The following UHRF2 variants were observed in gnomAD, a reference collection of about 807,000 sequenced individuals.
UHRF2 encodes the protein ubiquitin like with PHD and ring finger domains 2, also known as E3 ubiquitin-protein ligase UHRF2.
In UHRF2, 23 loss-of-function variants were observed where a neutral mutation model predicts 96.8. The ratio of observed to expected loss-of-function variants is 0.24; its 90% CI spans 0.17 to 0.34. The LOEUF (loss-of-function observed/expected upper bound fraction) is 0.34, where lower values mean the gene tolerates loss of function less well. Ranked by LOEUF, UHRF2 falls within the 10% of genes least tolerant of loss-of-function variation. The pLI is 1.00. For missense variants in UHRF2, 685 were observed against 981.5 expected, an observed-to-expected ratio of 0.70 and a Z score of 4.04; for synonymous variants, 385 against 332.6, an observed-to-expected ratio of 1.16 and a Z score of -1.72.
At chr9:6,447,043 C>G (rs952330641) in intron 3 of UHRF2, among the ~76,000 whole-genome samples, 2 of 151,942 alleles carry the variant, frequency 1.3e-5, no homozygotes, top group African/African-American at 4.8e-5. Context: ...TGCCTGCTAC[C>G]ACACCCGGCT....
Position 6,416,557 on chromosome 9 carries a change from T to C in UHRF2, c.153+2914T>C, listed in dbSNP as rs1819610495. Among the ~76,000 whole-genome samples, 2 of 148,164 alleles carry C rather than the reference T, an allele frequency of 1.3e-5. 1 individual carries two copies. The highest frequency in any genetic ancestry group is 3.0e-5 in the Non-Finnish European group (2 of 67,002). ...AATCTTTTTTTTTTTTTTTTTTTTT[T>C]TTTGAGACGGAGTCTCGTTCTGTCG... On this transcript the variant is annotated intron_variant, in intron 1 of 15. Transcript: ENST00000276893.
At chr9:6,433,477 T>A (rs932564240) in intron 2 of UHRF2, among the ~76,000 whole-genome samples, 6 of 152,236 alleles carry the variant, frequency 3.9e-5, no homozygotes, top group African/African-American at 1.4e-4. Flanking sequence ...TTCTTTTTAA[T>A]ACTTTACTGT....
chr9:6,496,463 A>C (rs1049368001), intron 10 of UHRF2: 2 of 152,188 alleles, frequency 1.3e-5, no homozygotes, highest in Non-Finnish European at 1.5e-5. Context: ...CTATTAGGTG[A>C]ATGCATATAC....
chr9:6,460,238 T>C (rs1421627121), intron 3 of UHRF2, among the ~76,000 whole-genome samples: 2 of 152,120 alleles, frequency 1.3e-5, no homozygotes, highest in Non-Finnish European at 2.9e-5. Context: ...CTAGAAAAAT[T>C]GTATATAGCT....
In UHRF2 at chr9:6,434,041, G is replaced by T; in HGVS notation, c.512G>T (p.Cys171Phe). 1.9e-6 allele frequency: 3 copies of T among 1,614,128 alleles called. No individual in the cohort carries two copies. The highest frequency in any genetic ancestry group is 2.5e-6 in the Non-Finnish European group (3 of 1,180,006). ...ACTCCACTGAAGAATGGCAGTTCTT[G>T]TAAAAGGACTAATGGAAATATAAAG... ...GKTPLKNGSS[C>F]KRTNGNIKHK... The change falls in exon 3 of 16, where the codon TGT (cysteine) becomes TTT (phenylalanine). Residue 171 changes from cysteine to phenylalanine, a missense_variant. Transcript: ENST00000276893.
At chr9:6,420,852 T>TA in intron 1 of UHRF2, 60 bp from the exon 2 acceptor site, 1 of 1,400,698 alleles carries the variant, frequency 7.1e-7, no homozygotes, top group Non-Finnish European at 1.0e-6. Flanking sequence ...TTTGAGCAAC[T>TA]AAAAATGTAG....
At chr9:6,421,261 TATC>T (rs1259143579) in intron 2 of UHRF2, 119 bp downstream of exon 2, 3 of 769,190 alleles carry the variant, frequency 3.9e-6, no homozygotes, top group Non-Finnish European at 6.2e-6. Context: ...GGGATGTTAA[TATC>T]ATAACTTTTA....
intron 9 of UHRF2, among the ~76,000 whole-genome samples, chr9:6,488,262 A>G (rs1379881106): frequency 1.8e-4 from 1 of 5,598 alleles, no homozygotes; most frequent in African/African-American, 1.3e-3. Flanking sequence ...AAAAAAAAAA[A>G]AAAAAAAAAA....
intron 12 of UHRF2, 47 bp from the exon 13 acceptor site, chr9:6,499,788 G>T: frequency 4.4e-6 from 6 of 1,353,694 alleles, no homozygotes; most frequent in Admixed American, 2.1e-5. Context: ...CCCCTTCTCT[G>T]TGAAGCTTAA....
chr9:6,465,217 C>G (rs1193494912), intron 4 of UHRF2, among the ~76,000 whole-genome samples: 2 of 152,140 alleles, frequency 1.3e-5, no homozygotes, highest in Admixed American at 6.5e-5. Context: ...TAGATATGCT[C>G]TCCTAGATTT....
chr9:6,488,699 T>A (rs1824467956), intron 9 of UHRF2, among the ~76,000 whole-genome samples: 1 of 151,720 alleles, frequency 6.6e-6, no homozygotes, highest in African/African-American at 2.4e-5. Flanking sequence ...ATGGGGTTTC[T>A]CCATATTGGC....
intron 3 of UHRF2, 155 bp downstream of exon 3, chr9:6,434,328 T>G (rs1052418686): frequency 2.0e-5 from 17 of 836,282 alleles, no homozygotes; most frequent in Non-Finnish European, 1.6e-5. Context: ...GTACTCTAAT[T>G]TAAAGGTCCT....
chr9:6,434,119 A>T lies in UHRF2; in HGVS notation c.590A>T (p.Asn197Ile). ...NKLDSVPSTS[N>I]SDCVAADEDV... ...TTGGACAGTGTACCCTCTACGTCTA[A>T]TTCAGACTGTGTTGCTGCTGATGAA... The change falls in exon 3 of 16, where the codon AAT becomes ATT. Residue 197 changes from asparagine (N) to isoleucine (I), a missense_variant. By Grantham distance (149) the Asn-to-Ile change is moderately radical. Coordinates refer to ENST00000276893, the MANE Select transcript of UHRF2 (RefSeq NM_152896.3). The T allele has an allele frequency of 6.2e-7, 1 of 1,614,152 alleles. No homozygotes were observed. The highest frequency in any genetic ancestry group is 8.5e-7 in the Non-Finnish European group (1 of 1,180,022).
At chr9:6,455,451 C>T (rs1436760027) in intron 3 of UHRF2, among the ~76,000 whole-genome samples, 1 of 152,150 alleles carries the variant, frequency 6.6e-6, no homozygotes, top group African/African-American at 2.4e-5. Flanking sequence ...ATCCCTGTCC[C>T]TACAAAGGAC....
intron 3 of UHRF2, among the ~76,000 whole-genome samples, chr9:6,439,803 A>G (rs1821057837): frequency 6.6e-6 from 1 of 152,132 alleles, no homozygotes; most frequent in Admixed American, 6.6e-5. Context: ...ACCTCCCCTT[A>G]CCCAAACCCT....
intron 6 of UHRF2, among the ~76,000 whole-genome samples, chr9:6,480,726 G>C (rs16924626): frequency 0.27 from 41,433 of 151,976 alleles, 7,641 homozygotes; most frequent in African/African-American, 0.52. Context: ...ATTTTTGGAA[G>C]CCTTCCTGAT....
intron 10 of UHRF2, 87 bp from the exon 11 acceptor site, chr9:6,497,111 A>C: frequency 2.5e-6 from 3 of 1,183,176 alleles, no homozygotes; most frequent in Non-Finnish European, 3.6e-6. Flanking sequence ...CAGGTAAGGT[A>C]TAATTCACCT....
intron 4 of UHRF2, among the ~76,000 whole-genome samples, chr9:6,470,638 GA>G (rs916345266): frequency 3.8e-4 from 57 of 151,932 alleles, no homozygotes; most frequent in South Asian, 1.0e-3. Flanking sequence ...AATATACATA[GA>G]AAAAAAATGC....
At chr9:6,441,665 G>C (rs1312951043) in intron 3 of UHRF2, among the ~76,000 whole-genome samples, 1 of 151,696 alleles carries the variant, frequency 6.6e-6, no homozygotes, top group Non-Finnish European at 1.5e-5. Flanking sequence ...AAAGACCAAA[G>C]ATGATATGCA....
Sources: allele counts gnomAD v4.1 joint callset (sites outside exome capture counted in the v4.1 genomes callset), GRCh38; gene constraint gnomAD v4.1.1; transcripts MANE v1.5; gene names NCBI Gene and HGNC (gene_info 2026-07-23, HGNC 2026-07-21).